Variants in GRM1 observed in about 807,000 individuals in gnomAD.
GRM1 encodes the protein metabotropic glutamate receptor 1.
A neutral mutation model predicts 90.9 loss-of-function variants in GRM1; 33 were observed. That is an observed-to-expected ratio of 0.36 (90% CI 0.28 to 0.49). The LOEUF is 0.49. GRM1 is among the 20% of genes least tolerant of loss of function. The pLI is 0.99. For missense variants in GRM1, 1,190 were observed against 1,534.3 expected (o/e 0.78, Z 3.75); for synonymous variants, 700 against 613.2 (o/e 1.14, Z -2.09).
chr6:146,384,288 T>C (rs1776421480), intron 5 of GRM1, among the ~76,000 whole-genome samples: 1 of 152,094 alleles, frequency 6.6e-6, no homozygotes, highest in South Asian at 2.1e-4. Flanking sequence ...GAACACTTAG[T>C]AGGGAGTTGG....
chr6:146,173,255 T>C (rs1247616831), intron 2 of GRM1, among the ~76,000 whole-genome samples: 2 of 151,612 alleles, frequency 1.3e-5, no homozygotes, highest in African/African-American at 4.8e-5. Flanking sequence ...CTGGGCATGG[T>C]GGCGCCTGCC....
At chr6:146,114,793 A>G (rs1404250680) in intron 1 of GRM1, among the ~76,000 whole-genome samples, 1 of 152,100 alleles carries the variant, frequency 6.6e-6, no homozygotes. Context: ...AACTACATAT[A>G]TTTTCATTTA....
Position 146,060,542 on chromosome 6 carries a change from C to T in GRM1, c.700+30325C>T, listed in dbSNP as rs569612929. On this transcript the variant is annotated intron_variant, in intron 1 of 7. Transcript: ENST00000282753. ...TACATTAGCTCACTTAAGATAATGG[C>T]CTCTAGCTCCATCTACATTGCTGCA... Among the ~76,000 whole-genome samples, 3 of 152,190 alleles carry T rather than the reference C, an allele frequency of 2.0e-5. No homozygotes were observed. In the South Asian group the frequency reaches 6.2e-4, roughly 32 times the overall value.
At chr6:146,228,158 T>G (rs1780316070) in intron 2 of GRM1, among the ~76,000 whole-genome samples, 3 of 152,222 alleles carry the variant, frequency 2.0e-5, no homozygotes, top group Non-Finnish European at 4.4e-5. Context: ...GAGCCCACAG[T>G]TGCTGAAGAG....
Position 146,398,933 on chromosome 6 carries a change from T to C in GRM1, c.1894T>C (p.Tyr632His), listed in dbSNP as rs754697517. 8 of 1,614,088 alleles carry C rather than the reference T, an allele frequency of 5.0e-6. No homozygotes were observed. Among genetic ancestry groups the C allele is most frequent in the Non-Finnish European group, 6.8e-6 (8 of 1,180,036 alleles). ...CAAATCCTCCAGTCGGGAGCTCTGC[T>C]ACATCATCCTAGCTGGCATCTTCCT... ...VVKSSSRELC[Y>H]IILAGIFLGY... Residue 632 changes from tyrosine to histidine, a missense_variant, in exon 7 of 8, where the codon TAC (tyrosine) becomes CAC (histidine). By Grantham distance (83) the Tyr-to-His change is moderately conservative (BLOSUM62 2). Around this residue, in one of 10 missense-constraint regions of GRM1, gnomAD observed 414 missense variants for 598.4 expected, o/e 0.69. Transcript: ENST00000282753.
intron 1 of GRM1, among the ~76,000 whole-genome samples, chr6:146,040,399 G>A (rs184963491): frequency 1.7e-3 from 262 of 152,092 alleles, no homozygotes; most frequent in African/African-American, 5.2e-3. Flanking sequence ...GCATGTTAGT[G>A]TCCTTTTCTT....
At chr6:146,322,200 C>T (rs890162216) in intron 3 of GRM1, among the ~76,000 whole-genome samples, 35 of 152,192 alleles carry the variant, frequency 2.3e-4, no homozygotes, top group African/African-American at 8.2e-4. Context: ...CCACTCCAGA[C>T]CCTGTTTGCC....
intron 1 of GRM1, among the ~76,000 whole-genome samples, chr6:146,036,907 TA>T (rs1481814581): frequency 6.6e-6 from 1 of 151,854 alleles, no homozygotes; most frequent in Non-Finnish European, 1.5e-5. Flanking sequence ...CATAAAGTAA[TA>T]AAAATCAATA....
intron 3 of GRM1, among the ~76,000 whole-genome samples, chr6:146,323,255 T>C (rs1784269035): frequency 6.6e-6 from 1 of 152,192 alleles, no homozygotes; most frequent in Non-Finnish European, 1.5e-5. Flanking sequence ...GCACCTGTTG[T>C]TTCCTGACTT....
chr6:146,222,462 C>G (rs1372040439), intron 2 of GRM1, among the ~76,000 whole-genome samples: 1 of 151,798 alleles, frequency 6.6e-6, no homozygotes, highest in Non-Finnish European at 1.5e-5. Context: ...TGCTGGAGAC[C>G]CAGGAGAGCC....
rs117570630 is a variant in GRM1, at chr6:146,147,458, A to G, written c.701-11890A>G. On this transcript the variant is annotated intron_variant, in intron 1 of 7. Coordinates refer to ENST00000282753, the MANE Select transcript of GRM1 (RefSeq NM_001278064.2). ...AAGACATAAGGTCTCCATAAATGCT[A>G]GTGTTCACATTATACCACCGTTTTA... 2.0e-3 allele frequency among the ~76,000 whole-genome samples: 311 copies of G among 152,268 alleles called. 9 individuals carry two copies. In the East Asian group the frequency reaches 0.039, roughly 19 times the overall value.
At chr6:146,286,638 G>A (rs1003909776) in intron 2 of GRM1, among the ~76,000 whole-genome samples, 8 of 152,164 alleles carry the variant, frequency 5.3e-5, no homozygotes, top group Non-Finnish European at 8.8e-5. Context: ...GCAACTGAAA[G>A]GGCTTCATGT....
intron 2 of GRM1, among the ~76,000 whole-genome samples, chr6:146,264,545 G>T (rs982757881): frequency 1.3e-5 from 2 of 151,448 alleles, no homozygotes; most frequent in Admixed American, 6.6e-5. Context: ...AGATTCGGGG[G>T]TTACATGTGT....
At chr6:146,175,048 G>A (rs1197021625) in intron 2 of GRM1, among the ~76,000 whole-genome samples, 2 of 152,146 alleles carry the variant, frequency 1.3e-5, no homozygotes, top group Non-Finnish European at 2.9e-5. Flanking sequence ...AACTAATTGT[G>A]GAAGTGATAT....
intron 3 of GRM1, among the ~76,000 whole-genome samples, chr6:146,314,782 T>C (rs1475088174): frequency 2.0e-5 from 3 of 152,180 alleles, no homozygotes; most frequent in African/African-American, 7.2e-5. Context: ...GGTTATTTTA[T>C]GTTCATATTA....
intron 2 of GRM1, among the ~76,000 whole-genome samples, chr6:146,279,791 A>G (rs907926783): frequency 6.6e-6 from 1 of 152,082 alleles, no homozygotes; most frequent in African/African-American, 2.4e-5. Context: ...ATAGAAATGT[A>G]GGTTGATGGG....
intron 1 of GRM1, among the ~76,000 whole-genome samples, chr6:146,062,918 C>T (rs925663706): frequency 2.6e-5 from 4 of 152,168 alleles, no homozygotes; most frequent in African/African-American, 9.7e-5. Context: ...CTCCCTCACC[C>T]TTGCCATGCC....
intron 3 of GRM1, among the ~76,000 whole-genome samples, chr6:146,345,183 CA>C (rs1785136003): frequency 6.6e-6 from 1 of 152,212 alleles, no homozygotes; most frequent in Non-Finnish European, 1.5e-5. Flanking sequence ...ATTTAAATCA[CA>C]AAGTCTGTTC....
At chr6:146,050,285 A>G (rs1791478634) in intron 1 of GRM1, among the ~76,000 whole-genome samples, 1 of 151,980 alleles carries the variant, frequency 6.6e-6, no homozygotes, top group Non-Finnish European at 1.5e-5. Context: ...TGTTTTCTTC[A>G]TGTGTGTCTC....
Sources: allele counts gnomAD v4.1 joint callset (sites outside exome capture counted in the v4.1 genomes callset), GRCh38; gene constraint gnomAD v4.1.1; regional missense constraint gnomAD v4.1.1; transcripts MANE v1.5; gene names NCBI Gene and HGNC (gene_info 2026-07-23, HGNC 2026-07-21).